The following MAPK10 variants were observed in gnomAD, a reference collection of about 807,000 sequenced individuals.
MAPK10 encodes the protein mitogen-activated protein kinase 10.
Under a neutral mutation model 59.3 loss-of-function variants are expected in MAPK10, and 25 were observed. The observed-to-expected ratio is 0.42, with a 90% CI of 0.31 to 0.59. The LOEUF is 0.59. MAPK10 is among the 20% of genes least tolerant of loss of function. MAPK10 has a pLI of 0.15. For missense variants in MAPK10, 351 were observed against 568.9 expected (o/e 0.62, Z 3.90); for synonymous variants, 190 against 200.5 (o/e 0.95, Z 0.44).
chr4:86,279,331 TAGTC>T lies in MAPK10; in HGVS notation c.-7+75195_-7+75198del, dbSNP rs111707746. ...CTTCTAAGCCTCTGATCACTTATCT[TAGTC>T]AAGGTTGAGCAGATAGAGAAGTACG... is the stretch of plus-strand genomic sequence containing the variant. On this transcript the variant is annotated intron_variant, in intron 2 of 13. Transcript: ENST00000641462. 5.0e-3 allele frequency among the ~76,000 whole-genome samples: 763 copies of T among 152,278 alleles called. 8 individuals are homozygous for T. The highest frequency in any genetic ancestry group is 0.017 in the African/African-American group (722 of 41,562).
At chr4:86,569,442 G>A (rs1380376247) in intron 1 of MAPK10, among the ~76,000 whole-genome samples, 1 of 152,054 alleles carries the variant, frequency 6.6e-6, no homozygotes, top group Non-Finnish European at 1.5e-5. Flanking sequence ...AGTAATTCCA[G>A]TACTGGGTAT....
chr4:86,295,118 A>G (rs2095324686), intron 2 of MAPK10, among the ~76,000 whole-genome samples: 1 of 152,150 alleles, frequency 6.6e-6, no homozygotes, highest in Non-Finnish European at 1.5e-5. Context: ...ACGCCATCCA[A>G]AGCGGTTTAA....
intron 4 of MAPK10, among the ~76,000 whole-genome samples, chr4:86,110,927 T>C (rs1461786425): frequency 6.6e-6 from 1 of 152,174 alleles, no homozygotes; most frequent in East Asian, 1.9e-4. Context: ...GTAGTTCTCT[T>C]TAAAGAAGTC....
chr4:86,282,114 G>A (rs1329654485), intron 2 of MAPK10, among the ~76,000 whole-genome samples: 1 of 152,118 alleles, frequency 6.6e-6, no homozygotes, highest in Non-Finnish European at 1.5e-5. Context: ...GGCCTTTCAA[G>A]AAAAACTCTT....
chr4:86,311,035 T>TACACACACACACACAC (rs143712904), intron 2 of MAPK10, among the ~76,000 whole-genome samples: 1,672 of 141,886 alleles, frequency 0.012, 12 homozygotes, highest in South Asian at 0.027. Flanking sequence ...AGTTTTAAGT[T>TACACACACACACACAC]ACACACACAC....
At chr4:86,541,020 C>T (rs1389613933) in intron 1 of MAPK10, among the ~76,000 whole-genome samples, 2 of 152,258 alleles carry the variant, frequency 1.3e-5, no homozygotes, top group East Asian at 3.9e-4. Flanking sequence ...ACTGATAACG[C>T]AGGGTGGCTG....
intron 1 of MAPK10, among the ~76,000 whole-genome samples, chr4:86,492,973 T>C (rs549814742): frequency 2.6e-5 from 4 of 152,314 alleles, no homozygotes; most frequent in Admixed American, 6.5e-5. Flanking sequence ...CCTAGCTTAA[T>C]AGTCAGACAA....
chr4:86,188,097 C>A (rs549504032), intron 3 of MAPK10, among the ~76,000 whole-genome samples: 1 of 152,126 alleles, frequency 6.6e-6, no homozygotes, highest in Non-Finnish European at 1.5e-5. Context: ...TTTATGGCTG[C>A]GTAGTATTCC....
intron 9 of MAPK10, chr4:86,089,592 T>G (rs1231469624): frequency 4.5e-6 from 1 of 221,104 alleles, no homozygotes; most frequent in African/African-American, 2.3e-5. Flanking sequence ...ATTCATTTAC[T>G]AGAATCCTAC....
At chr4:86,574,527 G>A (rs1485643048) in intron 1 of MAPK10, among the ~76,000 whole-genome samples, 2 of 151,984 alleles carry the variant, frequency 1.3e-5, no homozygotes, top group Non-Finnish European at 2.9e-5. Context: ...CACCAACGGT[G>A]TAAAAGTGTT....
chr4:86,315,347 C>A (rs769532265), intron 2 of MAPK10, among the ~76,000 whole-genome samples: 3 of 152,002 alleles, frequency 2.0e-5, no homozygotes, highest in Non-Finnish European at 4.4e-5. Context: ...GAAAGCACAG[C>A]AGGCTGACTA....
intron 1 of MAPK10, among the ~76,000 whole-genome samples, chr4:86,451,167 G>C (rs554675318): frequency 1.3e-5 from 2 of 152,254 alleles, no homozygotes; most frequent in Admixed American, 6.5e-5. Context: ...GATTCTGTTT[G>C]TAGAGTCCTC....
chr4:86,209,734 T>C (rs2085258391), intron 2 of MAPK10, among the ~76,000 whole-genome samples: 1 of 151,894 alleles, frequency 6.6e-6, no homozygotes, highest in Non-Finnish European at 1.5e-5. Flanking sequence ...TCATTTCCTA[T>C]CAAAGTACCA....
intron 2 of MAPK10, chr4:86,332,545 T>C (rs2096178573): frequency 6.6e-6 from 1 of 152,182 alleles, no homozygotes; most frequent in African/African-American, 2.4e-5. Context: ...CAGTCCACCT[T>C]CGTATGGAGG....
At chr4:86,242,575 G>A (rs1041451793) in intron 2 of MAPK10, among the ~76,000 whole-genome samples, 10 of 152,162 alleles carry the variant, frequency 6.6e-5, no homozygotes, top group South Asian at 2.1e-4. Context: ...GGGAAGATCC[G>A]CCCACTGAGG....
chr4:86,309,342 G>A (rs1306086305), intron 2 of MAPK10, among the ~76,000 whole-genome samples: 1 of 152,160 alleles, frequency 6.6e-6, no homozygotes, highest in Non-Finnish European at 1.5e-5. Flanking sequence ...ACACAGAACA[G>A]ATGAACTCCG....
chr4:86,128,331 T>C (rs2060421408), intron 4 of MAPK10, among the ~76,000 whole-genome samples: 1 of 152,088 alleles, frequency 6.6e-6, no homozygotes, highest in Admixed American at 6.6e-5. Flanking sequence ...TGAATTGTAG[T>C]TCCCATAATC....
chr4:86,569,300 C>T (rs550583025), intron 1 of MAPK10, among the ~76,000 whole-genome samples: 23 of 152,128 alleles, frequency 1.5e-4, no homozygotes, highest in Non-Finnish European at 2.9e-4. Flanking sequence ...CAAAAAACAA[C>T]AGGTGTTGAC....
At chr4:86,085,364 A>T (rs577039085) in intron 9 of MAPK10, among the ~76,000 whole-genome samples, 1 of 152,316 alleles carries the variant, frequency 6.6e-6, no homozygotes, top group South Asian at 2.1e-4. Context: ...AGGAATTAAT[A>T]ACCAGAATAT....
Sources: gnomAD v4.1 joint callset for allele counts (sites outside exome capture counted in the v4.1 genomes callset) on GRCh38, gnomAD v4.1.1 for gene constraint, MANE v1.5 for transcripts, NCBI Gene and HGNC (gene_info 2026-07-23, HGNC 2026-07-21) for gene names.